EPHB1: variants seen among roughly 807,000 people sequenced by gnomAD.
The protein encoded by EPHB1 is EPH receptor B1.
EPHB1 carries 30 observed loss-of-function variants against 94.4 expected under a neutral mutation model. The observed-to-expected ratio is 0.32, with a 90% CI of 0.24 to 0.43. The LOEUF is 0.43. Ranked by LOEUF, EPHB1 falls within the 20% of genes least tolerant of loss-of-function variation. The pLI is 1.00. For synonymous variants in EPHB1, 522 were observed against 489.1 expected (o/e 1.07, Z -0.89); for missense variants, 1,055 against 1,308.3 (o/e 0.81, Z 2.99).
chr3:134,859,653 G>A (rs896503222), intron 1 of EPHB1, among the ~76,000 whole-genome samples: 11 of 152,180 alleles, frequency 7.2e-5, no homozygotes, highest in African/African-American at 2.7e-4. Context: ...TCCTCATGGA[G>A]CCTGCCAGCT....
At chr3:135,090,849 C>T (rs1159796999) in intron 3 of EPHB1, among the ~76,000 whole-genome samples, 2 of 152,200 alleles carry the variant, frequency 1.3e-5, no homozygotes, top group Admixed American at 6.5e-5. Context: ...ATTTCTTTTG[C>T]TTACTTGTCC....
intron 5 of EPHB1, among the ~76,000 whole-genome samples, chr3:135,145,011 T>G (rs1940963482): frequency 6.6e-6 from 1 of 152,198 alleles, no homozygotes; most frequent in African/African-American, 2.4e-5. Context: ...TTATACCCAG[T>G]CTCCAAATTA....
chr3:135,029,237 G>T lies in EPHB1; in HGVS notation c.805+77185G>T, dbSNP rs1186227356. On this transcript the variant is annotated intron_variant, in intron 3 of 15. Coordinates refer to ENST00000398015, the MANE Select transcript of EPHB1 (RefSeq NM_004441.5). ...AGTCCATTTACATTTAAAGTTAATA[G>T]TGTTATGTGTGAATTTGATCCTGTC... Among the ~76,000 whole-genome samples, 794 of 144,420 alleles carry T rather than the reference G, an allele frequency of 5.5e-3. 3 individuals carry two copies. Among genetic ancestry groups the T allele is most frequent in the Non-Finnish European group, 8.9e-3 (586 of 65,810 alleles). 94.7% of individuals were successfully genotyped at this position (144,420 alleles called of 152,430 possible).
intron 9 of EPHB1, among the ~76,000 whole-genome samples, chr3:135,178,224 A>AAG (rs1553744896): frequency 7.2e-5 from 10 of 139,422 alleles, no homozygotes; most frequent in Admixed American, 4.9e-4. Flanking sequence ...GAGGCCGGGG[A>AAG]GGGGGGGTGG....
At chr3:134,855,928 A>T (rs1303053307) in intron 1 of EPHB1, among the ~76,000 whole-genome samples, 1 of 152,158 alleles carries the variant, frequency 6.6e-6, no homozygotes, top group Non-Finnish European at 1.5e-5. Context: ...GGATGATCAC[A>T]TGGAGGAAGA....
At chr3:134,795,762 C>T (rs1354106877) in intron 1 of EPHB1, 73 bp downstream of exon 1, 2 of 1,515,932 alleles carry the variant, frequency 1.3e-6, no homozygotes, top group South Asian at 2.3e-5. Context: ...CCGCGGTTCG[C>T]GGGGTTCCTC....
chr3:134,932,411 C>T (rs36173), intron 2 of EPHB1, among the ~76,000 whole-genome samples: 2,983 of 152,264 alleles, frequency 0.02, 110 homozygotes, highest in African/African-American at 0.068. Flanking sequence ...GAAACCCACT[C>T]TAATAACACC....
chr3:135,137,634 C>A (rs2107689060), intron 5 of EPHB1, among the ~76,000 whole-genome samples: 1 of 152,248 alleles, frequency 6.6e-6, no homozygotes, highest in South Asian at 2.1e-4. Context: ...ATTTAACTGG[C>A]AAGATCCCTC....
intron 3 of EPHB1, among the ~76,000 whole-genome samples, chr3:135,014,742 C>G (rs1322594493): frequency 1.3e-5 from 2 of 152,208 alleles, no homozygotes; most frequent in Non-Finnish European, 1.5e-5. Flanking sequence ...ATGTGTCATT[C>G]ATGAAGCAAT....
chr3:135,111,397 TATTC>T (rs1939436759), intron 4 of EPHB1, among the ~76,000 whole-genome samples: 1 of 152,192 alleles, frequency 6.6e-6, no homozygotes, highest in African/African-American at 2.4e-5. Flanking sequence ...AGTTGGGTCA[TATTC>T]CTCTGTCCTT....
At position 134,870,317 on chromosome 3, in the gene EPHB1, G is replaced by C. The variant is rs1479354216; in HGVS notation, c.59-55499G>C. On this transcript the variant is annotated intron_variant, in intron 1 of 15. Transcript: ENST00000398015. ...GCAGAGTTCATAAGGTCAGGGTGGG[G>C]TTGTTAGGAAAGCATAGATCCCAGC... is the stretch of plus-strand genomic sequence containing the variant. Among the ~76,000 whole-genome samples the C allele has an allele frequency of 1.3e-5, 2 of 152,138 alleles. 1 individual carries two copies. The highest frequency in any genetic ancestry group is 2.9e-5 in the Non-Finnish European group (2 of 68,024).
At chr3:135,053,955 G>A (rs1292094264) in intron 3 of EPHB1, among the ~76,000 whole-genome samples, 1 of 151,542 alleles carries the variant, frequency 6.6e-6, no homozygotes, top group Non-Finnish European at 1.5e-5. Flanking sequence ...TTGCTTCACT[G>A]CACTCTAGCT....
intron 1 of EPHB1, among the ~76,000 whole-genome samples, chr3:134,840,858 T>TC (rs1264819232): frequency 3.3e-5 from 5 of 152,148 alleles, no homozygotes; most frequent in African/African-American, 1.2e-4. Context: ...CTGGGAAGCT[T>TC]CCAGCACAGG....
At chr3:135,165,391 A>G (rs550905835) in intron 7 of EPHB1, among the ~76,000 whole-genome samples, 3 of 152,322 alleles carry the variant, frequency 2.0e-5, no homozygotes, top group South Asian at 4.1e-4. Flanking sequence ...TGCATAATTC[A>G]GCATGGTTCT....
intron 1 of EPHB1, among the ~76,000 whole-genome samples, chr3:134,907,851 C>T (rs1483408819): frequency 6.6e-6 from 1 of 152,206 alleles, no homozygotes; most frequent in Non-Finnish European, 1.5e-5. Context: ...TTGTCTATGT[C>T]AGTGTTTGCC....
At chr3:134,934,582 A>AAC (rs947909818) in intron 2 of EPHB1, among the ~76,000 whole-genome samples, 5 of 152,172 alleles carry the variant, frequency 3.3e-5, no homozygotes, top group African/African-American at 1.2e-4. Context: ...GTATGCATTT[A>AAC]ACAGAAAGGT....
chr3:134,941,725 T>C (rs1260611733), intron 2 of EPHB1, among the ~76,000 whole-genome samples: 2 of 149,504 alleles, frequency 1.3e-5, no homozygotes, highest in African/African-American at 2.5e-5. Flanking sequence ...AAATGAGTTT[T>C]GATAGCATGC....
intron 13 of EPHB1, among the ~76,000 whole-genome samples, chr3:135,245,475 C>CAAAG (rs1319304221): frequency 2.7e-5 from 3 of 112,830 alleles, no homozygotes; most frequent in African/African-American, 1.1e-4. Flanking sequence ...ACACACCAAA[C>CAAAG]AAAGAGCAAA....
intron 5 of EPHB1, among the ~76,000 whole-genome samples, chr3:135,146,936 C>T (rs1233341503): frequency 1.3e-5 from 2 of 152,116 alleles, no homozygotes; most frequent in Admixed American, 6.5e-5. Context: ...AGCAAGAGAC[C>T]ACACAGAGAA....
Sources: allele counts gnomAD v4.1 joint callset (sites outside exome capture counted in the v4.1 genomes callset), GRCh38; gene constraint gnomAD v4.1.1; transcripts MANE v1.5; gene names NCBI Gene and HGNC (gene_info 2026-07-23, HGNC 2026-07-21).